Variants in EP400 observed in about 807,000 individuals in gnomAD.
EP400 encodes the protein E1A-binding protein p400.
A neutral mutation model predicts 354.1 loss-of-function variants in EP400; 105 were observed. The observed-to-expected ratio is 0.30, with a 90% CI of 0.25 to 0.35. EP400 has a LOEUF of 0.35. EP400 is among the 10% of genes least tolerant of loss of function. The pLI, the probability that EP400 is intolerant of heterozygous loss-of-function variation, is 1.00. For missense variants in EP400, 3,280 were observed against 4,121.0 expected (o/e 0.80, Z 5.59); for synonymous variants, 1,646 against 1,716.9 (o/e 0.96, Z 1.02).
rs1295885195 is a variant in EP400, at chr12:132,050,816, G to T, written c.7394+161G>T. 1 of 835,766 alleles carries T rather than the reference G, an allele frequency of 1.2e-6. No homozygotes were observed. The highest frequency in any genetic ancestry group is 1.7e-5 in the African/African-American group (1 of 59,792). The allele number at this position is 835,766 out of a possible 1,614,324, so 51.8% of individuals were successfully genotyped here. On this transcript the variant is annotated intron_variant, in intron 41 of 52. Transcript: ENST00000389561. The surrounding 1 kb of genome is among the most constrained non-coding windows in gnomAD (Gnocchi z 4.8). ...CCTGCAGGAGAGAGGTGCTTTTCCT[G>T]CCGTGGGCTAGGGTATGCATAGGAC...
At chr12:132,051,503 G>A (rs1308007834) in intron 41 of EP400, among the ~76,000 whole-genome samples, 1 of 152,190 alleles carries the variant, frequency 6.6e-6, no homozygotes, top group Non-Finnish European at 1.5e-5. Flanking sequence ...AGGCCACGTG[G>A]ATCACATGGC....
rs117079082 is a variant in EP400, at chr12:132,053,253, T to G, written c.7473+29T>G. On this transcript the variant is annotated intron_variant, in intron 42 of 52. Transcript: ENST00000389561. ...AGCGCCCTGGGCCCTTCTGCTTGAGTGGGAAAATGTGGTGACTGTGACTTC... is the reference window on the plus strand; with the variant it reads ...AGCGCCCTGGGCCCTTCTGCTTGAGGGGGAAAATGTGGTGACTGTGACTTC... 15,261 of 1,611,678 alleles carry G rather than the reference T, an allele frequency of 9.5e-3. 445 individuals carry two copies. The highest frequency in any genetic ancestry group is 0.082 in the South Asian group (7,435 of 91,000).
intron 39 of EP400, among the ~76,000 whole-genome samples, chr12:132,047,643 A>AGATCACAG (rs1456236061): frequency 3.9e-5 from 6 of 152,266 alleles, no homozygotes. Flanking sequence ...AGGCAGGGCG[A>AGATCACAG]GATCACAGGA....
rs571080018 is a variant in EP400, at chr12:132,079,155, A to G, written c.*1482A>G. 1.3e-5 allele frequency: 2 copies of G among 152,392 alleles called. No individual in the cohort carries two copies. The highest frequency in any genetic ancestry group is 4.1e-4 in the South Asian group (2 of 4,830). 9.4% of individuals were successfully genotyped at this position (152,392 alleles called of 1,614,324 possible). A position where few individuals can be genotyped will look rare whatever the true frequency, so the allele number is the denominator to read the frequency against. ...CACTTTAAGTGACATTGAGGAAGGT[A>G]TTCTGTCCCACAGGTTTCTGTGGAC... is the stretch of plus-strand genomic sequence containing the variant. On this transcript the variant is annotated 3_prime_UTR_variant, in exon 53 of 53. Transcript: ENST00000389561.
rs201282024 is a variant in EP400 at position 132,055,078 on chromosome 12, T to C, written c.7775-21T>C. ...CCCATTTCTCCTGGCGCTGTTGCCT[T>C]ATGCCCGCCTGTCTCCGCAGGTGCC... On this transcript the variant is annotated intron_variant, in intron 44 of 52. Transcript: ENST00000389561. The C allele has an allele frequency of 6.2e-6, 10 of 1,613,886 alleles. No homozygotes were observed. The Admixed American group carries it at 6.7e-5, about 11-fold the overall frequency.
chr12:132,005,644 C>G (rs1028967695), intron 13 of EP400, among the ~76,000 whole-genome samples: 4 of 152,116 alleles, frequency 2.6e-5, no homozygotes, highest in African/African-American at 9.7e-5. Flanking sequence ...CCCACAGGAG[C>G]CTTGGGGAGG....
Position 131,957,927 on chromosome 12 carries a change from G to T in EP400, c.-35-2658G>T, listed in dbSNP as rs75352184. Among the ~76,000 whole-genome samples the T allele has an allele frequency of 1.1e-4, 17 of 152,276 alleles. No homozygotes were observed. In the East Asian group the frequency reaches 3.1e-3, roughly 28 times the overall value. On this transcript the variant is annotated intron_variant, in intron 1 of 52. Transcript: ENST00000389561. ...TTTATTTTGATGTATGGTTTGTGATGAGAGTTTAAGTTGAATTTCTCAATG... is the reference window on the plus strand; with the variant it reads ...TTTATTTTGATGTATGGTTTGTGATTAGAGTTTAAGTTGAATTTCTCAATG...
chr12:132,049,707 C>T (rs1895231554), intron 39 of EP400, among the ~76,000 whole-genome samples: 2 of 152,176 alleles, frequency 1.3e-5, no homozygotes, highest in African/African-American at 2.4e-5. Context: ...GACAGCATTC[C>T]TGGGACAGCT....
chr12:132,015,181 C>G (rs1893888639), intron 19 of EP400, among the ~76,000 whole-genome samples: 1 of 152,254 alleles, frequency 6.6e-6, no homozygotes, highest in Non-Finnish European at 1.5e-5. Flanking sequence ...TGCATGATGA[C>G]TGTGGAATTT....
intron 29 of EP400, chr12:132,031,179 A>C: frequency 2.0e-6 from 1 of 493,922 alleles, no homozygotes; most frequent in Non-Finnish European, 4.0e-6. Context: ...CTTCATGGTC[A>C]ACAGTGAGGT....
At position 132,044,219 on chromosome 12, in the gene EP400, C is replaced by T. The variant is rs1895008429; in HGVS notation, c.6493C>T (p.Leu2165=). The change falls in exon 35 of 53, where the codon CTG becomes TTG. Residue 2165 remains leucine (L), a synonymous_variant. Coordinates refer to ENST00000389561, the MANE Select transcript of EP400 (RefSeq NM_015409.5). ...AGTGAGGGCATGGGAGTTCTGGAAC[C>T]TGAAGACCCTGCAGGAGAGGGAGGC... The part of the protein sequence containing the change: ...TAVRAWEFWN[L]KTLQEREARL... The T allele has an allele frequency of 1.9e-6, 3 of 1,614,228 alleles. No individual in the cohort carries two copies. The highest frequency in any genetic ancestry group is 2.5e-6 in the Non-Finnish European group (3 of 1,180,038).
chr12:131,960,707 G>GGGCCCCCC lies in EP400; in HGVS notation c.88_89insGGCCCCCC (p.Ala30GlyfsTer35). 4 of 1,545,578 alleles carry GGGCCCCCC rather than the reference G, an allele frequency of 2.6e-6. No homozygotes were observed. The highest frequency in any genetic ancestry group is 3.5e-6 in the Non-Finnish European group (4 of 1,146,234). ...TGGCAGCGAGGGTGAGGAGCAGCCG[G>GGGCCCCCC]CCCACCCCAACCCACCCCCGTCCCC... On this transcript the variant is annotated frameshift_variant, in exon 2 of 53. Coordinates refer to ENST00000389561, the MANE Select transcript of EP400 (RefSeq NM_015409.5). LOFTEE classifies it high-confidence loss of function.
intron 1 of EP400, 45 bp from the exon 2 acceptor site, chr12:131,960,540 G>A: frequency 6.7e-7 from 1 of 1,483,904 alleles, no homozygotes; most frequent in South Asian, 1.3e-5. Flanking sequence ...CAATAAAACA[G>A]TTATGTGTGC....
In EP400 at chr12:132,038,154, G is replaced by A. The variant is rs1894777527; in HGVS notation, c.6207+58G>A. 1.9e-6 allele frequency: 3 copies of A among 1,603,410 alleles called. No homozygotes were observed. Among genetic ancestry groups the A allele is most frequent in the Non-Finnish European group, 1.7e-6 (2 of 1,173,714 alleles). ...CACGGTGGGAGCCGGCGGAACACCT[G>A]CACCCTCCCCCAGGGTTCTGGGTGC... On this transcript the variant is annotated intron_variant, in intron 32 of 52. Transcript: ENST00000389561. The surrounding 1 kb of genome is among the most constrained non-coding windows in gnomAD (Gnocchi z 4.2).
chr12:131,980,706 C>A (rs552358228), intron 3 of EP400, among the ~76,000 whole-genome samples: 1 of 152,266 alleles, frequency 6.6e-6, no homozygotes, highest in South Asian at 2.1e-4. Context: ...CCACCACTCC[C>A]AGCTAAATGC....
In EP400 at chr12:132,054,955, ATT is replaced by A. The variant is rs57520767; in HGVS notation, c.7729-8_7729-7del. 9.6e-6 allele frequency: 12 copies of A among 1,243,746 alleles called. No homozygotes were observed. Among genetic ancestry groups the A allele is most frequent in the African/African-American group, 6.1e-5 (4 of 65,770 alleles). The allele number at this position is 1,243,746 out of a possible 1,614,324, so 77.0% of individuals were successfully genotyped here. On this transcript the variant is annotated splice_polypyrimidine_tract_variant and intron_variant, in intron 43 of 52. Transcript: ENST00000389561. The surrounding 1 kb of genome is among the most constrained non-coding windows in gnomAD (Gnocchi z 4.0). ...AGAGCCTGACGTGAAATTCAAATGG[ATT>A]TTTTTTTTTTAAATAGGCAGGAACC... is the stretch of plus-strand genomic sequence containing the variant.
At position 131,979,727 on chromosome 12, in the gene EP400, G is replaced by A. The variant is rs1019528776; in HGVS notation, c.1369G>A (p.Ala457Thr). ...CCTCGCAGGGAGCCTGGTAGCAGGGGCCGGAAGCACAGTAGAGACGGACCT... is the reference window on the plus strand; with the variant it reads ...CCTCGCAGGGAGCCTGGTAGCAGGGACCGGAAGCACAGTAGAGACGGACCT... Reference protein sequence around the residue: ...QALAGSLVAGAGSTVETDLFK... With the variant: ...QALAGSLVAGTGSTVETDLFK... Residue 457 changes from alanine (A) to threonine (T), a missense_variant, in exon 3 of 53, where the codon GCC becomes ACC. Ala to Thr is a moderately conservative substitution (Grantham distance 58, BLOSUM62 0). Around this residue, in one of 20 missense-constraint regions of EP400, gnomAD observed 800 missense variants for 840.0 expected, o/e 0.95. Transcript: ENST00000389561. 1 of 1,609,722 alleles carries A rather than the reference G, an allele frequency of 6.2e-7. No homozygotes were observed. Among genetic ancestry groups the A allele is most frequent in the African/African-American group, 1.3e-5 (1 of 74,706 alleles).
chr12:131,983,296 G>T (rs1422612263), intron 5 of EP400, among the ~76,000 whole-genome samples: 4 of 152,348 alleles, frequency 2.6e-5, no homozygotes, highest in East Asian at 3.9e-4. Context: ...CTGCTTTTGG[G>T]ATGCTATATG....
intron 14 of EP400, 86 bp downstream of exon 14, chr12:132,006,388 C>G (rs536614379): frequency 6.9e-7 from 1 of 1,449,534 alleles, no homozygotes; most frequent in Admixed American, 2.2e-5. Flanking sequence ...TTCCTCTTCC[C>G]AGTGAAATGG....
Sources: allele counts gnomAD v4.1 joint callset (sites outside exome capture counted in the v4.1 genomes callset), GRCh38; gene constraint gnomAD v4.1.1; regional missense constraint gnomAD v4.1.1; non-coding constraint Gnocchi (gnomAD v3.1); transcripts MANE v1.5; gene names NCBI Gene and HGNC (gene_info 2026-07-23, HGNC 2026-07-21).